Variants in ERBB4 observed in about 807,000 individuals in gnomAD.
The protein encoded by ERBB4 is erb-b2 receptor tyrosine kinase 4.
Under a neutral mutation model 158.0 loss-of-function variants are expected in ERBB4, and 42 were observed. That is an observed-to-expected ratio of 0.27 (90% CI 0.21 to 0.34). The LOEUF is 0.34. Among genes scored for constraint, ERBB4 ranks in the 10% least tolerant of loss-of-function variants. The probability of loss-of-function intolerance (pLI) is 1.00; values close to 1 mark genes in which losing one functional copy is unlikely to be tolerated. For synonymous variants in ERBB4, 583 were observed against 558.7 expected (o/e 1.04, Z -0.61); for missense variants, 1,333 against 1,624.1 (o/e 0.82, Z 3.08).
chr2:212,090,495 T>C (rs2078741444), intron 2 of ERBB4, among the ~76,000 whole-genome samples: 1 of 152,094 alleles, frequency 6.6e-6, no homozygotes, highest in African/African-American at 2.4e-5. Context: ...AACTGGTCTA[T>C]CCTATAGAAG....
intron 4 of ERBB4, among the ~76,000 whole-genome samples, chr2:211,782,411 G>T (rs2076058181): frequency 7.2e-6 from 1 of 138,908 alleles, no homozygotes; most frequent in South Asian, 2.5e-4. Context: ...ATTGACCACT[G>T]TCACCTAGCA....
At chr2:212,000,686 A>G (rs1382101158) in intron 2 of ERBB4, among the ~76,000 whole-genome samples, 1 of 151,888 alleles carries the variant, frequency 6.6e-6, no homozygotes, top group African/African-American at 2.4e-5. Context: ...CAAGTTAAGA[A>G]CAATTCATAA....
At chr2:212,315,271 G>C (rs1490950705) in intron 1 of ERBB4, among the ~76,000 whole-genome samples, 1 of 151,230 alleles carries the variant, frequency 6.6e-6, no homozygotes, top group Admixed American at 6.6e-5. Context: ...ACATCATTTT[G>C]AGTATCCGGG....
intron 1 of ERBB4, among the ~76,000 whole-genome samples, chr2:212,267,680 T>C (rs932609535): frequency 6.6e-6 from 1 of 150,944 alleles, no homozygotes; most frequent in Non-Finnish European, 1.5e-5. Context: ...ACATGTGCCA[T>C]GCTGGTGTGA....
At chr2:211,438,054 G>A (rs2063894199) in intron 20 of ERBB4, among the ~76,000 whole-genome samples, 1 of 152,174 alleles carries the variant, frequency 6.6e-6, no homozygotes, top group South Asian at 2.1e-4. Flanking sequence ...TTAACCAGCA[G>A]AAGCTGGTTC....
At chr2:211,968,397 CAT>C (rs2081360722) in intron 2 of ERBB4, among the ~76,000 whole-genome samples, 1 of 151,978 alleles carries the variant, frequency 6.6e-6, no homozygotes, top group African/African-American at 2.4e-5. Flanking sequence ...ATATTAAGAG[CAT>C]ATGTTTTAAT....
At chr2:212,364,149 A>G (rs2089795176) in intron 1 of ERBB4, among the ~76,000 whole-genome samples, 1 of 151,694 alleles carries the variant, frequency 6.6e-6, no homozygotes, top group Admixed American at 6.6e-5. Context: ...TCCTTATGCA[A>G]TTAGCCATTC....
intron 1 of ERBB4, among the ~76,000 whole-genome samples, chr2:212,394,364 T>C (rs1372972359): frequency 1.3e-5 from 2 of 152,116 alleles, no homozygotes; most frequent in African/African-American, 4.8e-5. Context: ...ATTATAATGG[T>C]ACTGTCGCTA....
intron 3 of ERBB4, among the ~76,000 whole-genome samples, chr2:211,837,470 T>C (rs1473191799): frequency 3.3e-5 from 5 of 151,942 alleles, no homozygotes; most frequent in Non-Finnish European, 7.4e-5. Flanking sequence ...AAAGGAAAAA[T>C]TTATAGGCAA....
chr2:211,514,050 G>C (rs2065961494), intron 20 of ERBB4, among the ~76,000 whole-genome samples: 1 of 152,026 alleles, frequency 6.6e-6, no homozygotes, highest in Non-Finnish European at 1.5e-5. Flanking sequence ...TTGTCCTACT[G>C]TGCTAGGGAA....
chr2:211,919,651 T>C (rs955555959), intron 3 of ERBB4, among the ~76,000 whole-genome samples: 1 of 152,040 alleles, frequency 6.6e-6, no homozygotes, highest in African/African-American at 2.4e-5. Context: ...TAGCACATTT[T>C]TATATTTGTA....
chr2:211,459,250 T>C (rs2064465689), intron 20 of ERBB4, among the ~76,000 whole-genome samples: 1 of 152,188 alleles, frequency 6.6e-6, no homozygotes, highest in Non-Finnish European at 1.5e-5. Context: ...CAAAAAAAGA[T>C]TTAGGACCAA....
chr2:212,338,677 A>G (rs2088563498), intron 1 of ERBB4, among the ~76,000 whole-genome samples: 1 of 152,158 alleles, frequency 6.6e-6, no homozygotes, highest in South Asian at 2.1e-4. Context: ...ACATTTATTT[A>G]GGCATTGCAT....
chr2:211,618,325 T>C (rs1376387949), intron 19 of ERBB4, among the ~76,000 whole-genome samples: 1 of 152,076 alleles, frequency 6.6e-6, no homozygotes, highest in Non-Finnish European at 1.5e-5. Context: ...TTAGGCAACA[T>C]CTGGCCTGCA....
chr2:211,420,603 A>T lies in ERBB4; in HGVS notation c.2973T>A (p.Asp991Glu). 1 of 1,607,260 alleles carries T rather than the reference A, an allele frequency of 6.2e-7. No homozygotes were observed. The highest frequency in any genetic ancestry group is 8.5e-7 in the Non-Finnish European group (1 of 1,178,732). ...PQRYLVIQGDDRMKLPSPNDS... is the reference protein window; with the variant it reads ...PQRYLVIQGDERMKLPSPNDS... The stretch of plus-strand genomic sequence containing the variant: ...CATTTGGACTGGGAAGCTTCATACG[A>T]TCATCACCCTAAAAGAAAGATTGCC... The change falls in exon 25 of 28, where the codon GAT becomes GAA. Residue 991 changes from aspartate (D) to glutamate (E), a missense_variant. Coordinates refer to ENST00000342788, the MANE Select transcript of ERBB4 (RefSeq NM_005235.3).
intron 1 of ERBB4, among the ~76,000 whole-genome samples, chr2:212,214,128 T>C (rs1305222776): frequency 2.0e-5 from 3 of 151,838 alleles, no homozygotes; most frequent in African/African-American, 7.3e-5. Flanking sequence ...GGCAATAAAA[T>C]TAAATATTCA....
At chr2:211,507,567 G>T (rs114363543) in intron 20 of ERBB4, among the ~76,000 whole-genome samples, 1 of 152,192 alleles carries the variant, frequency 6.6e-6, no homozygotes, top group Non-Finnish European at 1.5e-5. Flanking sequence ...CAGTTAAACA[G>T]AATAGAGAAC....
intron 3 of ERBB4, among the ~76,000 whole-genome samples, chr2:211,826,758 T>C (rs951208192): frequency 6.6e-6 from 1 of 152,028 alleles, no homozygotes; most frequent in African/African-American, 2.4e-5. Context: ...TAAAGGAAGC[T>C]GACTAATTCT....
At chr2:212,013,063 T>A (rs182835565) in intron 2 of ERBB4, among the ~76,000 whole-genome samples, 1 of 151,366 alleles carries the variant, frequency 6.6e-6, no homozygotes. Flanking sequence ...CTTTCCTTTT[T>A]TTTTTTTTTT....
Sources: allele counts gnomAD v4.1 joint callset (sites outside exome capture counted in the v4.1 genomes callset), GRCh38; gene constraint gnomAD v4.1.1; transcripts MANE v1.5; gene names NCBI Gene and HGNC (gene_info 2026-07-23, HGNC 2026-07-21).